The following ZBTB20 variants were observed in gnomAD, a reference collection of about 807,000 sequenced individuals.
ZBTB20 encodes the protein zinc finger and BTB domain-containing protein 20.
A neutral mutation model predicts 56.9 loss-of-function variants in ZBTB20; 9 were observed. The observed-to-expected ratio is 0.16, with a 90% confidence interval of 0.10 to 0.28. The LOEUF is 0.28. Among genes scored for constraint, ZBTB20 ranks in the 10% least tolerant of loss-of-function variants. ZBTB20 has a pLI of 1.00. For missense variants in ZBTB20, 655 were observed against 1,003.0 expected (o/e 0.65, Z 4.69); for synonymous variants, 417 against 420.7 (o/e 0.99, Z 0.11).
At chr3:114,656,893 A>G (rs2060437461) in intron 6 of ZBTB20, among the ~76,000 whole-genome samples, 1 of 152,176 alleles carries the variant, frequency 6.6e-6, no homozygotes, top group Non-Finnish European at 1.5e-5. Flanking sequence ...GATTATAAGC[A>G]TACGCCACCA....
intron 3 of ZBTB20, among the ~76,000 whole-genome samples, chr3:114,949,711 G>A (rs1418937647): frequency 6.8e-6 from 1 of 147,344 alleles, no homozygotes; most frequent in Non-Finnish European, 1.5e-5. Flanking sequence ...AATTTTCAGT[G>A]AGCCAAGATC....
intron 7 of ZBTB20, among the ~76,000 whole-genome samples, chr3:114,420,646 G>T (rs1020039307): frequency 6.6e-5 from 10 of 152,128 alleles, no homozygotes; most frequent in African/African-American, 2.4e-4. Flanking sequence ...CAGCCTTAGG[G>T]TCTCTAGGGC....
At position 114,461,866 on chromosome 3, in the gene ZBTB20, T is replaced by A. The variant is rs185034193; in HGVS notation, c.-255+38486A>T. Among the ~76,000 whole-genome samples the A allele has an allele frequency of 9.8e-5, 15 of 152,302 alleles. No individual in the cohort carries two copies. The East Asian group carries it at 2.9e-3, about 29-fold the overall frequency. ...AAAGCCTAGCTGAGAACAATTGTCA[T>A]AGGACAAATCTGTGAGGCTCATCAA... On this transcript the variant is annotated intron_variant, in intron 7 of 11. Transcript: ENST00000675478.
intron 6 of ZBTB20, among the ~76,000 whole-genome samples, chr3:114,506,917 C>T (rs759866976): frequency 3.3e-5 from 5 of 152,178 alleles, no homozygotes; most frequent in East Asian, 1.9e-4. Context: ...AGTCAGCTAA[C>T]GGTTCACACT....
intron 5 of ZBTB20, among the ~76,000 whole-genome samples, chr3:114,725,865 G>A (rs138282535): frequency 0.02 from 2,998 of 152,338 alleles, 60 homozygotes; most frequent in Middle Eastern, 0.054. Flanking sequence ...GTGGCCAAGT[G>A]TAAGGCTGAA....
At chr3:114,654,337 A>C (rs973466702) in intron 6 of ZBTB20, among the ~76,000 whole-genome samples, 1 of 151,974 alleles carries the variant, frequency 6.6e-6, no homozygotes, top group Non-Finnish European at 1.5e-5. Context: ...AATATACTGC[A>C]TAACTTAATT....
intron 6 of ZBTB20, among the ~76,000 whole-genome samples, chr3:114,565,747 TG>T (rs1275815459): frequency 6.6e-6 from 1 of 151,874 alleles, no homozygotes; most frequent in African/African-American, 2.4e-5. Context: ...CATTGTTTCA[TG>T]GAAAATGCTT....
chr3:114,555,393 T>C (rs2051078380), intron 6 of ZBTB20, among the ~76,000 whole-genome samples: 1 of 152,054 alleles, frequency 6.6e-6, no homozygotes, highest in Non-Finnish European at 1.5e-5. Context: ...CCTGTCGACA[T>C]CCCAGCATCT....
chr3:114,380,515 G>A (rs1225772702), intron 9 of ZBTB20, 111 bp from the exon 10 acceptor site: 2 of 1,321,396 alleles, frequency 1.5e-6, no homozygotes, highest in Non-Finnish European at 2.0e-6. Context: ...GGGGATGGGA[G>A]GGAGTCCAGT....
chr3:115,105,964 C>T (rs150680844), intron 1 of ZBTB20, among the ~76,000 whole-genome samples: 408 of 151,926 alleles, frequency 2.7e-3, no homozygotes, highest in African/African-American at 8.3e-3. Context: ...ATTACAGGCG[C>T]GTGCCACCAT....
At chr3:114,881,581 T>C (rs2076398026) in intron 4 of ZBTB20, among the ~76,000 whole-genome samples, 1 of 151,928 alleles carries the variant, frequency 6.6e-6, no homozygotes, top group African/African-American at 2.4e-5. Context: ...AAAATATAAT[T>C]ATATATTTTT....
chr3:114,640,626 G>A (rs2684288), intron 6 of ZBTB20, among the ~76,000 whole-genome samples: 3,521 of 152,080 alleles, frequency 0.023, 118 homozygotes, highest in African/African-American at 0.075. Flanking sequence ...ACTTTCAAAA[G>A]TGTCCTAGTT....
intron 3 of ZBTB20, among the ~76,000 whole-genome samples, chr3:114,950,040 T>C (rs982046382): frequency 3.3e-5 from 5 of 152,038 alleles, no homozygotes; most frequent in African/African-American, 1.2e-4. Context: ...ACCAAAGCCA[T>C]CATATCATGG....
intron 3 of ZBTB20, among the ~76,000 whole-genome samples, chr3:114,948,704 A>T (rs1445162710): frequency 6.8e-6 from 1 of 146,270 alleles, no homozygotes; most frequent in African/African-American, 2.8e-5. Flanking sequence ...TAGAAAATAA[A>T]ACTTAAAATG....
chr3:114,881,505 G>A (rs1322213980), intron 4 of ZBTB20, among the ~76,000 whole-genome samples: 1 of 151,896 alleles, frequency 6.6e-6, no homozygotes, highest in East Asian at 1.9e-4. Context: ...GCTGTTAAAA[G>A]TATCTCACTA....
chr3:114,967,143 A>C (rs2077680156), intron 3 of ZBTB20, among the ~76,000 whole-genome samples: 1 of 152,170 alleles, frequency 6.6e-6, no homozygotes, highest in Non-Finnish European at 1.5e-5. Flanking sequence ...TCATCTCTCC[A>C]TAGTATTTTA....
chr3:114,886,563 A>T (rs2076608944), intron 4 of ZBTB20, among the ~76,000 whole-genome samples: 1 of 152,208 alleles, frequency 6.6e-6, no homozygotes. Flanking sequence ...TGAAAGTACC[A>T]TGGACTATAA....
chr3:115,077,945 T>C (rs1323708571), intron 1 of ZBTB20, among the ~76,000 whole-genome samples: 1 of 152,230 alleles, frequency 6.6e-6, no homozygotes. Context: ...TTTCTCTAAA[T>C]GATGCACTTG....
intron 3 of ZBTB20, among the ~76,000 whole-genome samples, chr3:114,947,282 A>G (rs1464424222): frequency 6.8e-6 from 1 of 146,202 alleles, no homozygotes; most frequent in Non-Finnish European, 1.5e-5. Context: ...TAGATCTACT[A>G]TTTAACCCAA....
Sources: allele counts gnomAD v4.1 joint callset (sites outside exome capture counted in the v4.1 genomes callset), GRCh38; gene constraint gnomAD v4.1.1; transcripts MANE v1.5; gene names NCBI Gene and HGNC (gene_info 2026-07-23, HGNC 2026-07-21).